The following GDPD2 variants were observed in gnomAD, a reference collection of about 807,000 sequenced individuals.
GDPD2 encodes the protein glycerophosphodiester phosphodiesterase domain containing 2, also known as glycerophosphodiester phosphodiesterase 3.
GDPD2 carries 23 observed loss-of-function variants against 49.2 expected under a neutral mutation model. The observed-to-expected ratio is 0.47, with a 90% CI of 0.34 to 0.66. GDPD2 has a LOEUF of 0.66. GDPD2 is among the 30% of genes least tolerant of loss of function. GDPD2 has a pLI of 0.01. For synonymous variants in GDPD2, 167 were observed against 171.4 expected, an observed-to-expected ratio of 0.97 and a Z score of 0.20; for missense variants, 338 against 424.7, an observed-to-expected ratio of 0.80 and a Z score of 1.79.
intron 12 of GDPD2, among the ~76,000 whole-genome samples, chrX:70,430,787 T>A (rs781758649): frequency 9.1e-6 from 1 of 110,330 alleles, no homozygotes; most frequent in Non-Finnish European, 1.9e-5. Flanking sequence ...ATTTCTTTTT[T>A]TAATTTGAAT....
At chrX:70,431,014 C>G (rs758645150) in intron 12 of GDPD2, 3 of 557,523 alleles carry the variant, frequency 5.4e-6, no homozygotes, top group South Asian at 2.6e-5. Context: ...TCTCAAACTA[C>G]TGGCCTCAAG....
chrX:70,425,653 C>A lies in GDPD2; in HGVS notation c.210-110C>A. 1.2e-5 allele frequency: 7 copies of A among 571,376 alleles called. 1 individual carries two copies. In the South Asian group the frequency reaches 1.7e-4, roughly 14 times the overall value. 47.1% of individuals were successfully genotyped at this position (571,376 alleles called of 1,213,427 possible). On this transcript the variant is annotated intron_variant, in intron 3 of 15. Coordinates refer to ENST00000374382, the MANE Select transcript of GDPD2 (RefSeq NM_017711.4). ...CCTTGGAGCCCCTGGCCACGAGGGGCTTTCTCCTCACTCCCTTCTAGTCTT... is the reference window on the plus strand; with the variant it reads ...CCTTGGAGCCCCTGGCCACGAGGGGATTTCTCCTCACTCCCTTCTAGTCTT...
At chrX:70,426,611 C>T (rs2086426821) in intron 6 of GDPD2, 37 bp from the exon 7 acceptor site, 1 of 1,115,175 alleles carries the variant, frequency 9.0e-7, no homozygotes, top group Non-Finnish European at 1.2e-6. Flanking sequence ...GGGAGGGGCA[C>T]TGGAGAAGAG....
chrX:70,425,243 C>T (rs1469481355), intron 2 of GDPD2, 111 bp from the exon 3 acceptor site: 3 of 671,030 alleles, frequency 4.5e-6, no homozygotes, highest in South Asian at 2.3e-5. Context: ...AGCTGCCCCC[C>T]GAGCAGAGCA....
intron 12 of GDPD2, among the ~76,000 whole-genome samples, 193 bp from the exon 13 acceptor site, chrX:70,432,114 G>T (rs1283536649): frequency 9.0e-6 from 1 of 111,692 alleles, no homozygotes; most frequent in African/African-American, 3.3e-5. Flanking sequence ...TAGGACCCAT[G>T]GGTGGAATCC....
chrX:70,428,662 C>T (rs1425258551), intron 10 of GDPD2, among the ~76,000 whole-genome samples: 1 of 112,043 alleles, frequency 8.9e-6, no homozygotes, highest in Non-Finnish European at 1.9e-5. Context: ...CTGTGTGACC[C>T]GAGGCAGGAT....
chrX:70,426,588 T>C, intron 6 of GDPD2, 60 bp from the exon 7 acceptor site: 1 of 1,059,507 alleles, frequency 9.4e-7, no homozygotes, highest in East Asian at 3.1e-5. Context: ...AGTCAGGCCC[T>C]AAGAGGAAAG....
Position 70,432,590 on chromosome X carries a change from C to T in GDPD2, c.1467C>T (p.Thr489=), listed in dbSNP as rs1350737967. Reference sequence around the variant, plus strand: ...TCCTATTTTCACAGACCCCTCAAACCTACCTAATCATATGGGTCATTACCA... The same window carrying T: ...TCCTATTTTCACAGACCCCTCAAACTTACCTAATCATATGGGTCATTACCA... ...RYPIWLITPQ[T]YLIIWVITNC... is the part of the protein sequence containing the mutation. The change falls in exon 14 of 16, where the codon ACC becomes ACT. Residue 489 remains threonine, a synonymous_variant. Coordinates refer to ENST00000374382, the MANE Select transcript of GDPD2 (RefSeq NM_017711.4). The T allele has an allele frequency of 8.4e-7, 1 of 1,197,280 alleles. No individual in the cohort carries two copies. The highest frequency in any genetic ancestry group is 1.1e-6 in the Non-Finnish European group (1 of 884,061).
chrX:70,425,575 G>C, intron 3 of GDPD2, 118 bp downstream of exon 3: 1 of 571,211 alleles, frequency 1.8e-6, no homozygotes, highest in Non-Finnish European at 3.1e-6. Flanking sequence ...CTCAAACCCA[G>C]CTCTGCTGCT....
Position 70,426,963 on chromosome X carries a change from A to C in GDPD2, c.654A>C (p.Arg218Ser), listed in dbSNP as rs1338000573. 8.3e-7 allele frequency: 1 copy of C among 1,208,577 alleles called. No homozygotes were observed. The highest frequency in any genetic ancestry group is 1.8e-5 in the African/African-American group (1 of 56,901). The change falls in exon 8 of 16, where the codon AGA (arginine) becomes AGC (serine). Residue 218 changes from arginine (R) to serine (S), a missense_variant. This residue lies in a region of GDPD2 where 253 missense variants were observed against 330.4 expected (regional missense o/e 0.77). Transcript: ENST00000374382. The stretch of plus-strand genomic sequence containing the variant: ...CCTCACCCTGCATCATGGAACCCAG[A>C]GACTTACCACCCAAGCCTGGGCTGG... ...CISSPCIMEP[R>S]DLPPKPGLVG...
In GDPD2 at chrX:70,425,051, T is replaced by C; in HGVS notation, c.67T>C (p.Trp23Arg). Reference sequence around the variant, plus strand: ...CCTCCACTGCCTGTATAGCTGCCACTGGAGGAAATGCCCCAGAGAGAGGAT... The same window carrying C: ...CCTCCACTGCCTGTATAGCTGCCACCGGAGGAAATGCCCCAGAGAGAGGAT... ...RCLHCLYSCH[W>R]RKCPRERMQT... The change falls in exon 2 of 16, where the codon TGG (tryptophan) becomes CGG (arginine). Residue 23 changes from tryptophan to arginine, a missense_variant. By Grantham distance (101) the Trp-to-Arg change is moderately radical. Around this residue, in one of 3 missense-constraint regions of GDPD2, gnomAD observed 75 missense variants for 67.6 expected, o/e 1.11. Coordinates refer to ENST00000374382, the MANE Select transcript of GDPD2 (RefSeq NM_017711.4). 1.7e-6 allele frequency: 2 copies of C among 1,198,711 alleles called. No individual in the cohort carries two copies. Among genetic ancestry groups the C allele is most frequent in the Non-Finnish European group, 2.3e-6 (2 of 887,796 alleles).
chrX:70,426,448 T>C lies in GDPD2; in HGVS notation c.441T>C (p.His147=), dbSNP rs751645183. The C allele has an allele frequency of 5.8e-6, 7 of 1,209,044 alleles. No individual in the cohort carries two copies. Among genetic ancestry groups the C allele is most frequent in the Non-Finnish European group, 6.7e-6 (6 of 892,936 alleles). ...ACATCCAATGGCAGCAGGAGTGGCA[T>C]AGCTTGCGTGTGTCACTGCAGGTGA... ...GLDIQWQQEW[H]SLRVSLQATA... The change falls in exon 6 of 16, where the codon CAT becomes CAC. Residue 147 remains histidine (H), a synonymous_variant. Coordinates refer to ENST00000374382, the MANE Select transcript of GDPD2 (RefSeq NM_017711.4).
chrX:70,424,865 A>AGCAGCG, intron 1 of GDPD2, 111 bp from the exon 2 acceptor site: 1 of 488,854 alleles, frequency 2.0e-6, no homozygotes, highest in Admixed American at 3.9e-5. Flanking sequence ...TCCGTTGCTG[A>AGCAGCG]GCAGCGGCCC....
In GDPD2 at chrX:70,427,220, G is replaced by A; in HGVS notation, c.785+1G>A. The stretch of plus-strand genomic sequence containing the variant: ...TGTTTGAGACTGATGTGATGGTCAG[G>A]TGAGGGAAGCTGGGGCTTAGGGGAT... On this transcript the variant is annotated splice_donor_variant, in intron 9 of 15. Transcript: ENST00000374382. LOFTEE classifies it high-confidence loss of function. The A allele has an allele frequency of 8.3e-7, 1 of 1,203,299 alleles. No individual in the cohort carries two copies. The highest frequency in any genetic ancestry group is 1.1e-6 in the Non-Finnish European group (1 of 887,822).
chrX:70,427,818 T>G (rs1261801569), intron 10 of GDPD2: 15 of 149,264 alleles, frequency 1.0e-4, no homozygotes, highest in Non-Finnish European at 2.6e-5. Flanking sequence ...TGTGGCTGAA[T>G]GTAACTGAGA....
At position 70,429,490 on chromosome X, in the gene GDPD2, T is replaced by C. The variant is rs2086455461; in HGVS notation, c.937-3T>C. On this transcript the variant is annotated splice_region_variant and splice_polypyrimidine_tract_variant and intron_variant, in intron 10 of 15. Coordinates refer to ENST00000374382, the MANE Select transcript of GDPD2 (RefSeq NM_017711.4). ...GTCTTGAAATAATTGTTCTTTCTTA[T>C]AGAGGCGACCCTTCTGGGGGGCCAA... 1 of 1,172,654 alleles carries C rather than the reference T, an allele frequency of 8.5e-7. No individual in the cohort carries two copies. The highest frequency in any genetic ancestry group is 1.2e-6 in the Non-Finnish European group (1 of 863,235).
At position 70,426,374 on chromosome X, in the gene GDPD2, C is replaced by G; in HGVS notation, c.367C>G (p.Leu123Val). ...TCATTCATCCCTGGCCCCCCAGGTGCTGCTGCTCCTCATTATGCTGCTTGT... is the reference window on the plus strand; with the variant it reads ...TCATTCATCCCTGGCCCCCCAGGTGGTGCTGCTCCTCATTATGCTGCTTGT... The part of the protein sequence containing the change: ...PLHLHSLHKV[L>V]LLLIMLLVAA... Residue 123 changes from leucine to valine, a missense_variant, in exon 6 of 16, where the codon CTG becomes GTG. This residue lies in a region of GDPD2 where 253 missense variants were observed against 330.4 expected (regional missense o/e 0.77). Transcript: ENST00000374382. The G allele has an allele frequency of 1.7e-6, 2 of 1,210,425 alleles. No individual in the cohort carries two copies. The highest frequency in any genetic ancestry group is 3.5e-5 in the South Asian group (2 of 56,821).
chrX:70,425,147 G>T, intron 2 of GDPD2, 58 bp downstream of exon 2: 1 of 852,825 alleles, frequency 1.2e-6, no homozygotes, highest in South Asian at 2.3e-5. Context: ...TCACTGGAGG[G>T]GATAAGGAGG....
chrX:70,432,161 T>C lies in GDPD2; in HGVS notation c.1308-146T>C, dbSNP rs146699598. 519 of 491,991 alleles carry C rather than the reference T, an allele frequency of 1.1e-3. 4 individuals carry two copies. In the African/African-American group the frequency reaches 0.011, roughly 10 times the overall value. The allele number at this position is 491,991 out of a possible 1,213,427, so 40.5% of individuals were successfully genotyped here. A position where few individuals can be genotyped will look rare whatever the true frequency, so the allele number is the denominator to read the frequency against. ...GAGTTCAGCTATGAAAGGAAAATCA[T>C]TGTTGGTCAGGGGCTGCTATGGAAA... On this transcript the variant is annotated intron_variant, in intron 12 of 15. Transcript: ENST00000374382.
Sources: gnomAD v4.1 joint callset for allele counts (sites outside exome capture counted in the v4.1 genomes callset) on GRCh38, gnomAD v4.1.1 for gene constraint, gnomAD v4.1.1 regional missense constraint, MANE v1.5 for transcripts, NCBI Gene and HGNC (gene_info 2026-07-23, HGNC 2026-07-21) for gene names.